Variants in PDE8B observed in about 807,000 individuals in gnomAD.
PDE8B encodes high affinity cAMP-specific and IBMX-insensitive 3',5'-cyclic phosphodiesterase 8B.
A neutral mutation model predicts 101.3 loss-of-function variants in PDE8B; 26 were observed. That is an observed-to-expected ratio of 0.26 (90% CI 0.19 to 0.36). The LOEUF is 0.36. Ranked by LOEUF, PDE8B falls within the 10% of genes least tolerant of loss-of-function variation. The probability of loss-of-function intolerance (pLI) is 1.00; values close to 1 mark genes in which losing one functional copy is unlikely to be tolerated. For synonymous variants in PDE8B, 424 were observed against 429.3 expected (o/e 0.99, Z 0.15); for missense variants, 810 against 1,163.1 (o/e 0.70, Z 4.42).
At chr5:77,126,885 T>C in the PDE8B span, among the ~76,000 whole-genome samples, 1 of 152,336 alleles carries the variant, frequency 6.6e-6, no homozygotes, top group East Asian at 1.9e-4. Flanking sequence ...CCTTCCTTAG[T>C]GCTATGGCAA....
the PDE8B span, among the ~76,000 whole-genome samples, chr5:77,177,743 C>A: frequency 2.0e-5 from 3 of 152,150 alleles, no homozygotes; most frequent in South Asian, 6.2e-4. Context: ...CAGTGACTCA[C>A]GGGGGATGTG....
At chr5:77,125,134 A>C in the PDE8B span, among the ~76,000 whole-genome samples, 2 of 152,120 alleles carry the variant, frequency 1.3e-5, no homozygotes, top group Admixed American at 6.5e-5. Flanking sequence ...CTGGGACTAC[A>C]GGCATGCACC....
At chr5:77,251,067 T>C (rs923257315) in intron 1 of PDE8B, among the ~76,000 whole-genome samples, 3 of 152,246 alleles carry the variant, frequency 2.0e-5, no homozygotes, top group African/African-American at 7.2e-5. Flanking sequence ...GACTTTGAAG[T>C]CAGACTGTCT....
chr5:77,399,548 T>C (rs1211381930), intron 10 of PDE8B, among the ~76,000 whole-genome samples: 1 of 152,236 alleles, frequency 6.6e-6, no homozygotes, highest in African/African-American at 2.4e-5. Flanking sequence ...TAGAACTAAA[T>C]GTGCCCCACT....
At chr5:77,346,197 G>A (rs1264550203) in intron 7 of PDE8B, among the ~76,000 whole-genome samples, 5 of 152,194 alleles carry the variant, frequency 3.3e-5, no homozygotes, top group East Asian at 3.9e-4. Context: ...TGGCTGCCCC[G>A]TGAAATGTAT....
chr5:77,131,418 C>G, the PDE8B span, among the ~76,000 whole-genome samples: 1 of 152,190 alleles, frequency 6.6e-6, no homozygotes, highest in South Asian at 2.1e-4. Context: ...TTTCCAGGAA[C>G]AGGACTAATG....
At chr5:77,179,019 G>A in the PDE8B span, among the ~76,000 whole-genome samples, 1 of 152,212 alleles carries the variant, frequency 6.6e-6, no homozygotes. Flanking sequence ...TGGGCAGCAA[G>A]TCAAGTCACA....
chr5:77,332,588 A>T (rs1418217341), intron 5 of PDE8B, among the ~76,000 whole-genome samples: 1 of 152,210 alleles, frequency 6.6e-6, no homozygotes, highest in Non-Finnish European at 1.5e-5. Flanking sequence ...CTGTAATCCC[A>T]GCACTTTGGG....
chr5:77,402,937 A>T (rs1158488685), intron 11 of PDE8B, among the ~76,000 whole-genome samples: 1 of 152,166 alleles, frequency 6.6e-6, no homozygotes, highest in Admixed American at 6.5e-5. Context: ...GTGTTATTGC[A>T]TCTTTTTTTT....
chr5:77,150,804 G>A, the PDE8B span, among the ~76,000 whole-genome samples: 1 of 152,148 alleles, frequency 6.6e-6, no homozygotes, highest in Non-Finnish European at 1.5e-5. Context: ...CAGAGGCAAT[G>A]AGAACTACCC....
chr5:77,164,247 A>G, the PDE8B span, among the ~76,000 whole-genome samples: 12 of 152,336 alleles, frequency 7.9e-5, no homozygotes, highest in African/African-American at 2.9e-4. Context: ...CAAGTGGGCA[A>G]TGGTAGATTA....
chr5:77,357,500 G>T (rs1782324980), intron 10 of PDE8B, among the ~76,000 whole-genome samples: 1 of 152,104 alleles, frequency 6.6e-6, no homozygotes, highest in Non-Finnish European at 1.5e-5. Flanking sequence ...GCACAGCCTG[G>T]CTTCACCAGC....
intron 1 of PDE8B, among the ~76,000 whole-genome samples, chr5:77,294,856 A>G (rs1768164804): frequency 6.7e-6 from 1 of 148,182 alleles, no homozygotes; most frequent in Admixed American, 6.8e-5. Context: ...ATTATATAAT[A>G]TATATATGAT....
chr5:77,407,864 G>A (rs1793792896), intron 13 of PDE8B, among the ~76,000 whole-genome samples: 1 of 152,228 alleles, frequency 6.6e-6, no homozygotes, highest in African/African-American at 2.4e-5. Context: ...AAGTCGGAGT[G>A]GCCGGAGCTT....
chr5:77,411,233 A>G, intron 14 of PDE8B: 1 of 161,862 alleles, frequency 6.2e-6, no homozygotes, highest in South Asian at 1.9e-4. Flanking sequence ...TTTATATTAG[A>G]AGGTAATCCC....
chr5:77,364,807 T>G (rs1239187546), intron 10 of PDE8B, among the ~76,000 whole-genome samples: 1 of 152,094 alleles, frequency 6.6e-6, no homozygotes, highest in African/African-American at 2.4e-5. Context: ...TTTGAGCACT[T>G]TCATAGCAAA....
rs1166053904 is a variant in PDE8B at position 77,298,418 on chromosome 5, C to A, written c.340-13576C>A. On this transcript the variant is annotated intron_variant, in intron 1 of 21. Transcript: ENST00000264917. ...GAGATGGGGAGAATATTGTTACCCACGTGACAGGCTGCAGCAACCTTGACC... is the reference window on the plus strand; with the variant it reads ...GAGATGGGGAGAATATTGTTACCCAAGTGACAGGCTGCAGCAACCTTGACC... Among the ~76,000 whole-genome samples, 6 of 152,266 alleles carry A rather than the reference C, an allele frequency of 3.9e-5. No homozygotes were observed. In the East Asian group the frequency reaches 1.2e-3, roughly 29 times the overall value.
the PDE8B span, among the ~76,000 whole-genome samples, chr5:77,125,210 C>T: frequency 6.6e-6 from 1 of 152,042 alleles, no homozygotes; most frequent in African/African-American, 2.4e-5. Flanking sequence ...CTATGTTGTC[C>T]AGGCTGGTCT....
chr5:77,137,713 C>T, the PDE8B span, among the ~76,000 whole-genome samples: 1 of 152,154 alleles, frequency 6.6e-6, no homozygotes, highest in African/African-American at 2.4e-5. Context: ...CCACTTTGCC[C>T]TCATATTTTG....
Sources: allele counts gnomAD v4.1 joint callset (sites outside exome capture counted in the v4.1 genomes callset), GRCh38; gene constraint gnomAD v4.1.1; transcripts MANE v1.5; gene names NCBI Gene and HGNC (gene_info 2026-07-23, HGNC 2026-07-21).